The following ADGRL2 variants were observed in gnomAD, a reference collection of about 807,000 sequenced individuals.
ADGRL2 encodes calcium-independent alpha-latrotoxin receptor 2.
ADGRL2 carries 44 observed loss-of-function variants against 157.4 expected under a neutral mutation model. The observed-to-expected ratio is 0.28, with a 90% CI of 0.22 to 0.36. The LOEUF (loss-of-function observed/expected upper bound fraction) is 0.36, where lower values mean the gene tolerates loss of function less well. Ranked by LOEUF, ADGRL2 falls within the 10% of genes least tolerant of loss-of-function variation. The pLI is 1.00. For missense variants in ADGRL2, 1,510 were observed against 1,768.9 expected (o/e 0.85, Z 2.63); for synonymous variants, 585 against 624.7 (o/e 0.94, Z 0.95).
At chr1:81,621,170 G>C (rs2081782067) in intron 3 of ADGRL2, among the ~76,000 whole-genome samples, 1 of 152,130 alleles carries the variant, frequency 6.6e-6, no homozygotes, top group South Asian at 2.1e-4. Context: ...CTCTGAAAAG[G>C]TCTGGGGAGG....
At chr1:81,417,917 A>G (rs535900101) in intron 1 of ADGRL2, among the ~76,000 whole-genome samples, 7 of 152,322 alleles carry the variant, frequency 4.6e-5, no homozygotes, top group African/African-American at 1.7e-4. Context: ...GCACCCATGC[A>G]TGACAATATC....
chr1:81,899,235 T>C (rs2094446408), intron 2 of ADGRL2, among the ~76,000 whole-genome samples: 1 of 152,236 alleles, frequency 6.6e-6, no homozygotes, highest in East Asian at 1.9e-4. Flanking sequence ...ACTTAAAGTT[T>C]ATCACAACAA....
chr1:81,928,313 G>A (rs1429503098), intron 3 of ADGRL2, among the ~76,000 whole-genome samples: 1 of 152,076 alleles, frequency 6.6e-6, no homozygotes, highest in South Asian at 2.1e-4. Context: ...AAATTGACAG[G>A]GTTCTCTGAG....
intron 3 of ADGRL2, among the ~76,000 whole-genome samples, chr1:81,687,931 T>A (rs970849312): frequency 6.6e-6 from 1 of 152,198 alleles, no homozygotes. Flanking sequence ...ATATGATGCT[T>A]AGTTTTGCTG....
chr1:81,443,745 C>T (rs2077550982), intron 1 of ADGRL2, among the ~76,000 whole-genome samples: 1 of 152,186 alleles, frequency 6.6e-6, no homozygotes, highest in Non-Finnish European at 1.5e-5. Context: ...TCTCACCATT[C>T]CTACCTTAAG....
At chr1:81,503,273 T>A in intron 2 of ADGRL2, 1 of 1,614,210 alleles carries the variant, frequency 6.2e-7, no homozygotes. Context: ...AGCGTTAACA[T>A]GTCTGTGGAC....
chr1:81,669,048 G>T (rs2082813011), intron 3 of ADGRL2, among the ~76,000 whole-genome samples: 2 of 151,980 alleles, frequency 1.3e-5, no homozygotes, highest in East Asian at 1.9e-4. Flanking sequence ...CATCAATCTG[G>T]ACTGTTTTAT....
intron 2 of ADGRL2, chr1:81,514,831 T>G (rs992602086): frequency 2.6e-5 from 4 of 152,234 alleles, no homozygotes; most frequent in African/African-American, 9.6e-5. Context: ...AGCTTTTGTC[T>G]TACCATCTCT....
At chr1:81,966,952 A>C (rs1318754049) in intron 13 of ADGRL2, among the ~76,000 whole-genome samples, 1 of 152,182 alleles carries the variant, frequency 6.6e-6, no homozygotes, top group Non-Finnish European at 1.5e-5. Flanking sequence ...GCTGAGTATT[A>C]ACTCTTAGGA....
chr1:81,966,150 T>C lies in ADGRL2; in HGVS notation c.2110T>C (p.Ser704Pro). 1 of 1,614,106 alleles carries C rather than the reference T, an allele frequency of 6.2e-7. No individual in the cohort carries two copies. Among genetic ancestry groups the C allele is most frequent in the Non-Finnish European group, 8.5e-7 (1 of 1,179,982 alleles). Residue 704 changes from serine to proline, a missense_variant, in exon 12 of 24, where the codon TCC (serine) becomes CCC (proline). This residue lies in a region of ADGRL2 where 497 missense variants were observed against 627.2 expected (regional missense o/e 0.79). Transcript: ENST00000686636. ...IKGAGSSIQL[S>P]ANTVKQNSRN... is the part of the protein sequence containing the mutation. ...AGGAGCAGGCAGCTCAATCCAACTGTCCGCAAATACCGTCAAACAGAACAG... is the reference window on the plus strand; with the variant it reads ...AGGAGCAGGCAGCTCAATCCAACTGCCCGCAAATACCGTCAAACAGAACAG...
At chr1:81,687,414 A>G (rs572290281) in intron 3 of ADGRL2, among the ~76,000 whole-genome samples, 5 of 152,188 alleles carry the variant, frequency 3.3e-5, no homozygotes, top group African/African-American at 1.2e-4. Context: ...GTCTCTTTTA[A>G]CTGCTGTTGC....
intron 4 of ADGRL2, among the ~76,000 whole-genome samples, chr1:81,937,202 C>T (rs955577491): frequency 6.6e-6 from 1 of 151,864 alleles, no homozygotes; most frequent in Admixed American, 6.6e-5. Flanking sequence ...CAGTTTTAAT[C>T]GTGAGCTACT....
chr1:81,726,038 G>A (rs1438849942), intron 1 of ADGRL2, among the ~76,000 whole-genome samples: 1 of 152,096 alleles, frequency 6.6e-6, no homozygotes, highest in Admixed American at 6.6e-5. Flanking sequence ...ATCCGCAGGT[G>A]GTCTTTAGGC....
chr1:81,768,208 G>C (rs907145537), intron 2 of ADGRL2, among the ~76,000 whole-genome samples: 1 of 151,864 alleles, frequency 6.6e-6, no homozygotes, highest in Non-Finnish European at 1.5e-5. Flanking sequence ...ACCACAACCA[G>C]TTAATTCTTA....
At chr1:81,895,321 T>C (rs1057415504) in intron 2 of ADGRL2, among the ~76,000 whole-genome samples, 3 of 151,790 alleles carry the variant, frequency 2.0e-5, no homozygotes, top group Non-Finnish European at 4.4e-5. Context: ...TATGGAAATA[T>C]AATAAAAATT....
intron 3 of ADGRL2, among the ~76,000 whole-genome samples, chr1:81,602,332 C>T (rs1015277611): frequency 5.3e-5 from 8 of 152,020 alleles, no homozygotes; most frequent in Non-Finnish European, 8.8e-5. Context: ...CAGAGGCTCA[C>T]GCCTGTAATC....
intron 1 of ADGRL2, among the ~76,000 whole-genome samples, chr1:81,803,530 ACTC>A (rs999204335): frequency 3.4e-5 from 5 of 148,388 alleles, no homozygotes; most frequent in East Asian, 2.0e-4. Flanking sequence ...CTTTTTAGGG[ACTC>A]CTCCTCCTCA....
At chr1:81,813,342 AG>A (rs1472886941) in intron 1 of ADGRL2, among the ~76,000 whole-genome samples, 1 of 151,754 alleles carries the variant, frequency 6.6e-6, no homozygotes, top group African/African-American at 2.4e-5. Context: ...CATTTTAAAA[AG>A]CTTCGTTTCT....
chr1:81,659,175 T>C (rs532016715), intron 3 of ADGRL2, among the ~76,000 whole-genome samples: 201 of 151,084 alleles, frequency 1.3e-3, no homozygotes, highest in African/African-American at 4.5e-3. Context: ...GATTCTCCTG[T>C]CTCAGCTTCC....
Sources: allele counts gnomAD v4.1 joint callset (sites outside exome capture counted in the v4.1 genomes callset), GRCh38; gene constraint gnomAD v4.1.1; regional missense constraint gnomAD v4.1.1; transcripts MANE v1.5; gene names NCBI Gene and HGNC (gene_info 2026-07-23, HGNC 2026-07-21).